LAPTM5: variants seen among roughly 807,000 people sequenced by gnomAD.
LAPTM5 encodes the protein lysosomal protein transmembrane 5, also known as lysosomal-associated transmembrane protein 5.
LAPTM5 carries 11 observed loss-of-function variants against 30.1 expected under a neutral mutation model. That is an observed-to-expected ratio of 0.37 (90% confidence interval 0.23 to 0.60). The LOEUF (loss-of-function observed/expected upper bound fraction) is 0.60. LAPTM5 is among the 20% of genes least tolerant of loss of function. LAPTM5 has a pLI of 0.71. For missense variants in LAPTM5, 324 were observed against 332.5 expected, an observed-to-expected ratio of 0.97 and a Z score of 0.20; for synonymous variants, 151 against 137.9, an observed-to-expected ratio of 1.10 and a Z score of -0.67.
At chr1:30,741,992 G>A in intron 2 of LAPTM5, 2 of 382,516 alleles carry the variant, frequency 5.2e-6, no homozygotes, top group Non-Finnish European at 9.7e-6. Flanking sequence ...CATCCCTGGG[G>A]AGTGGCCTGA....
rs1226787047 is a variant in LAPTM5 at position 30,733,307 on chromosome 1, C to T, written c.*521G>A. The T allele has an allele frequency of 4.1e-6, 1 of 245,742 alleles. No individual in the cohort carries two copies. The highest frequency in any genetic ancestry group is 2.3e-5 in the African/African-American group (1 of 43,232). The allele number at this position is 245,742 out of a possible 1,614,324, so 15.2% of individuals were successfully genotyped here. ...GACTCATGGTTGGCTAATTGATTAT[C>T]ATGTAAGCAAGCTATTTGAAGAAAT... is the stretch of plus-strand genomic sequence containing the variant. On this transcript the variant is annotated 3_prime_UTR_variant, in exon 8 of 8. Transcript: ENST00000294507.
intron 5 of LAPTM5, among the ~76,000 whole-genome samples, chr1:30,738,643 T>G (rs1639923408): frequency 1.3e-5 from 2 of 152,238 alleles, no homozygotes; most frequent in Non-Finnish European, 2.9e-5. Flanking sequence ...AAAACTGATA[T>G]TATGTCTGTG....
chr1:30,751,463 G>T (rs1331129450), intron 1 of LAPTM5, among the ~76,000 whole-genome samples: 1 of 152,242 alleles, frequency 6.6e-6, no homozygotes, highest in Non-Finnish European at 1.5e-5. Flanking sequence ...GTGGGGCCAG[G>T]CACTATGGCC....
chr1:30,754,172 T>C (rs1230986016), intron 1 of LAPTM5, among the ~76,000 whole-genome samples: 3 of 152,046 alleles, frequency 2.0e-5, no homozygotes, highest in African/African-American at 7.2e-5. Flanking sequence ...GGTGTCCACT[T>C]TCTACCATCG....
intron 6 of LAPTM5, among the ~76,000 whole-genome samples, chr1:30,736,597 CTT>C (rs201831542): frequency 1.1e-4 from 16 of 146,518 alleles, no homozygotes; most frequent in African/African-American, 3.7e-4. Context: ...CCACATCCAA[CTT>C]TTTTTTTTTT....
Position 30,742,462 on chromosome 1 carries a change from T to C in LAPTM5, c.175A>G (p.Arg59Gly). Reference protein sequence around the residue: ...SCKLSQMGYLRIADLISSFLL... With the variant: ...SCKLSQMGYLGIADLISSFLL... ...CGGCGTCCCCTGGACCTACCGATCC[T>C]GAGGTAGCCCATCTGGGAGAGCTTG... Residue 59 changes from arginine to glycine, a missense_variant, in exon 2 of 8, where the codon AGG (arginine) becomes GGG (glycine). Arg to Gly is a moderately radical substitution (Grantham distance 125). Coordinates refer to ENST00000294507, the MANE Select transcript of LAPTM5 (RefSeq NM_006762.3). The C allele has an allele frequency of 6.2e-7, 1 of 1,612,516 alleles. No individual in the cohort carries two copies. The highest frequency in any genetic ancestry group is 8.5e-7 in the Non-Finnish European group (1 of 1,179,194).
In LAPTM5 at chr1:30,739,528, C is replaced by T. The variant is rs922751519; in HGVS notation, c.387+281G>A. On this transcript the variant is annotated intron_variant, in intron 4 of 7. Coordinates refer to ENST00000294507, the MANE Select transcript of LAPTM5 (RefSeq NM_006762.3). The surrounding 1 kb of genome is among the most constrained non-coding windows in gnomAD (Gnocchi z 4.2). ...TCCTCAGGTGTCAATTCACTCCCAG[C>T]AGCACTGACTGAGTGCTGACCATGG... Among the ~76,000 whole-genome samples, 4 of 152,188 alleles carry T rather than the reference C, an allele frequency of 2.6e-5. No homozygotes were observed. The highest frequency in any genetic ancestry group is 2.1e-4 in the South Asian group (1 of 4,828).
chr1:30,748,888 A>G (rs1640087995), intron 1 of LAPTM5, among the ~76,000 whole-genome samples: 1 of 152,238 alleles, frequency 6.6e-6, no homozygotes, highest in South Asian at 2.1e-4. Flanking sequence ...TGGCCTGGCC[A>G]TGTTACTTCA....
At position 30,733,296 on chromosome 1, in the gene LAPTM5, T is replaced by G. The variant is rs1639838939; in HGVS notation, c.*532A>C. The G allele has an allele frequency of 4.2e-6, 1 of 240,296 alleles. No homozygotes were observed. The highest frequency in any genetic ancestry group is 8.4e-6 in the Non-Finnish European group (1 of 118,958). The allele number at this position is 240,296 out of a possible 1,614,324, so 14.9% of individuals were successfully genotyped here. A position where few individuals can be genotyped will look rare whatever the true frequency, so the allele number is the denominator to read the frequency against. On this transcript the variant is annotated 3_prime_UTR_variant, in exon 8 of 8. Transcript: ENST00000294507. The stretch of plus-strand genomic sequence containing the variant: ...CTATTCTAAATGACTCATGGTTGGC[T>G]AATTGATTATCATGTAAGCAAGCTA...
At chr1:30,737,030 T>C (rs1639895206) in intron 6 of LAPTM5, among the ~76,000 whole-genome samples, 1 of 152,206 alleles carries the variant, frequency 6.6e-6, no homozygotes, top group South Asian at 2.1e-4. Context: ...TTTTCTTGTC[T>C]CTTCACGTTG....
Position 30,735,212 on chromosome 1 carries a change from G to A in LAPTM5, c.660C>T (p.Asn220=). The A allele has an allele frequency of 6.2e-7, 1 of 1,613,998 alleles. No homozygotes were observed. Among genetic ancestry groups the A allele is most frequent in the Non-Finnish European group, 8.5e-7 (1 of 1,179,982 alleles). Residue 220 remains asparagine (N), a synonymous_variant, in exon 7 of 8, where the codon AAC becomes AAT. Transcript: ENST00000294507. ...WRCYRLIKCM[N]SVEEKRNSKM... ...TGGAGTTTCTCTTCTCCTCCACCGA[G>A]TTCATGCACTTGATCAATCTGTAGC...
intron 3 of LAPTM5, 96 bp downstream of exon 3, chr1:30,741,544 C>T (rs191227716): frequency 2.0e-4 from 166 of 816,528 alleles, no homozygotes; most frequent in Admixed American, 1.2e-3. Context: ...GCCTAACATA[C>T]CCGCCTCCCA....
Position 30,739,529 on chromosome 1 carries a change from A to G in LAPTM5, c.387+280T>C, listed in dbSNP as rs1188360. Among the ~76,000 whole-genome samples, 89,313 of 152,048 alleles carry G rather than the reference A, an allele frequency of 0.59. 26,995 individuals carry two copies. Among genetic ancestry groups the G allele is most frequent in the Admixed American group, 0.66 (10,120 of 15,286 alleles). On this transcript the variant is annotated intron_variant, in intron 4 of 7. Coordinates refer to ENST00000294507, the MANE Select transcript of LAPTM5 (RefSeq NM_006762.3). The surrounding 1 kb of genome is among the most constrained non-coding windows in gnomAD (Gnocchi z 4.2). The stretch of plus-strand genomic sequence containing the variant: ...CCTCAGGTGTCAATTCACTCCCAGC[A>G]GCACTGACTGAGTGCTGACCATGGG...
At chr1:30,738,895 G>C in intron 5 of LAPTM5, 45 bp downstream of exon 5, 1 of 1,566,042 alleles carries the variant, frequency 6.4e-7, no homozygotes, top group Non-Finnish European at 8.7e-7. Flanking sequence ...CCTGTTCAAG[G>C]CCACACAGCC....
chr1:30,747,686 G>A (rs1640068082), intron 1 of LAPTM5, among the ~76,000 whole-genome samples: 1 of 152,182 alleles, frequency 6.6e-6, no homozygotes, highest in Admixed American at 6.5e-5. Flanking sequence ...AAAGAATGGG[G>A]GCAGGGGCTG....
intron 1 of LAPTM5, among the ~76,000 whole-genome samples, chr1:30,751,906 G>T (rs1640144116): frequency 6.6e-6 from 1 of 152,170 alleles, no homozygotes; most frequent in Non-Finnish European, 1.5e-5. Context: ...AGATAACAAA[G>T]GTGCCCGCCT....
At chr1:30,741,170 G>A (rs188338778) in intron 3 of LAPTM5, among the ~76,000 whole-genome samples, 13 of 152,290 alleles carry the variant, frequency 8.5e-5, no homozygotes, top group Non-Finnish European at 1.6e-4. Context: ...CTTCCAGGGC[G>A]TAGGTCCCCC....
In LAPTM5 at chr1:30,735,215, C is replaced by G; in HGVS notation, c.657G>C (p.Met219Ile). The G allele has an allele frequency of 6.2e-7, 1 of 1,614,070 alleles. No individual in the cohort carries two copies. Among genetic ancestry groups the G allele is most frequent in the Admixed American group, 1.7e-5 (1 of 60,028 alleles). Residue 219 changes from methionine (M) to isoleucine (I), a missense_variant, in exon 7 of 8, where the codon ATG becomes ATC. Coordinates refer to ENST00000294507, the MANE Select transcript of LAPTM5 (RefSeq NM_006762.3). Reference sequence around the variant, plus strand: ...AGTTTCTCTTCTCCTCCACCGAGTTCATGCACTTGATCAATCTGTAGCACC... The same window carrying G: ...AGTTTCTCTTCTCCTCCACCGAGTTGATGCACTTGATCAATCTGTAGCACC... ...VWRCYRLIKC[M>I]NSVEEKRNSK...
chr1:30,753,326 G>A (rs1640164234), intron 1 of LAPTM5, among the ~76,000 whole-genome samples: 1 of 152,156 alleles, frequency 6.6e-6, no homozygotes. Flanking sequence ...TGAGTTGCTT[G>A]GAGCAGCATA....
Sources: allele counts gnomAD v4.1 joint callset (sites outside exome capture counted in the v4.1 genomes callset), GRCh38; gene constraint gnomAD v4.1.1; non-coding constraint Gnocchi (gnomAD v3.1); transcripts MANE v1.5; gene names NCBI Gene and HGNC (gene_info 2026-07-23, HGNC 2026-07-21).